Variants in SEPTIN12 observed in about 807,000 individuals in gnomAD.
SEPTIN12 encodes septin 12.
A neutral mutation model predicts 37.7 loss-of-function variants in SEPTIN12; 42 were observed. The observed-to-expected ratio is 1.11, with a 90% CI of 0.87 to 1.44. The LOEUF is 1.44. SEPTIN12 is among the 40% of genes most tolerant of loss of function. SEPTIN12 has a pLI of 0.00. For synonymous variants in SEPTIN12, 254 were observed against 196.7 expected (o/e 1.29, Z -2.44); for missense variants, 613 against 479.2 (o/e 1.28, Z -2.61).
Position 4,783,513 on chromosome 16 carries a change from C to G in SEPTIN12, c.675G>C (p.Gln225His). Residue 225 changes from glutamine to histidine, a missense_variant, in exon 7 of 10, where the codon CAG (glutamine) becomes CAC (histidine). Coordinates refer to ENST00000268231, the MANE Select transcript of SEPTIN12 (RefSeq NM_144605.5). ...CATTGATGTCCTCGTCAAAGCACAT[C>G]TGGGGGTAGACGTCGATGCAGTGGG... ...LRTHCIDVYP[Q>H]MCFDEDINDK... 6.2e-7 allele frequency: 1 copy of G among 1,614,196 alleles called. No homozygotes were observed. The highest frequency in any genetic ancestry group is 8.5e-7 in the Non-Finnish European group (1 of 1,180,036).
At chr16:4,781,848 C>T (rs992149898) in intron 7 of SEPTIN12, among the ~76,000 whole-genome samples, 6 of 148,856 alleles carry the variant, frequency 4.0e-5, no homozygotes, top group East Asian at 4.1e-4. Context: ...TTCTCCATGT[C>T]GGTCAGGCTG....
At chr16:4,789,081 C>T (rs1338160239), upstream of SEPTIN12, among the ~76,000 whole-genome samples, 3 of 152,150 alleles carry the variant, frequency 2.0e-5, no homozygotes, top group East Asian at 1.9e-4. Flanking sequence ...TGCAGTGGCG[C>T]GATCTCGGCT....
intron 2 of SEPTIN12, 85 bp downstream of exon 2, chr16:4,787,395 G>T: frequency 8.0e-7 from 1 of 1,246,300 alleles, no homozygotes; most frequent in Non-Finnish European, 1.2e-6. Flanking sequence ...GGGGAGGGGC[G>T]ACAGGCTGCC....
intron 8 of SEPTIN12, 89 bp from the exon 9 acceptor site, chr16:4,778,226 G>A (rs550983356): frequency 5.9e-6 from 8 of 1,351,540 alleles, no homozygotes; most frequent in Non-Finnish European, 8.5e-6. Context: ...ATTTCCCTTA[G>A]CCCTTTTCCC....
At position 4,783,963 on chromosome 16, in the gene SEPTIN12, G is replaced by T. The variant is rs746356918; in HGVS notation, c.480C>A (p.Cys160Ter). ...CAGTGGGTGGTACAAAGTACACGCA[G>T]CAGTGCACCCGGGTGTCTGGGATGT... ...QRHIPDTRVH[C>*]CVYFVPPTGH... is the part of the protein sequence containing the mutation. The change falls in exon 5 of 10, where the codon TGC (cysteine) becomes TGA (stop). Residue 160 changes from cysteine (C) to a stop codon, truncating the protein, a stop_gained. Coordinates refer to ENST00000268231, the MANE Select transcript of SEPTIN12 (RefSeq NM_144605.5). LOFTEE classifies it high-confidence loss of function. 1 of 1,614,168 alleles carries T rather than the reference G, an allele frequency of 6.2e-7. No individual in the cohort carries two copies. The highest frequency in any genetic ancestry group is 8.5e-7 in the Non-Finnish European group (1 of 1,180,010).
chr16:4,780,126 C>T (rs2082357167), intron 7 of SEPTIN12, among the ~76,000 whole-genome samples: 1 of 152,006 alleles, frequency 6.6e-6, no homozygotes, highest in South Asian at 2.1e-4. Context: ...TATTATATAG[C>T]GTATTATATA....
At position 4,777,723 on chromosome 16, in the gene SEPTIN12, G is replaced by A; in HGVS notation, c.*74C>T. Reference sequence around the variant, plus strand: ...AAAGCAAGGCTCACATTTAATAGATGCTCTGGTACATAGGTGTGTGTTGAG... The same window carrying A: ...AAAGCAAGGCTCACATTTAATAGATACTCTGGTACATAGGTGTGTGTTGAG... On this transcript the variant is annotated 3_prime_UTR_variant, in exon 10 of 10. Transcript: ENST00000268231. 1 of 1,063,738 alleles carries A rather than the reference G, an allele frequency of 9.4e-7. No homozygotes were observed. The highest frequency in any genetic ancestry group is 1.3e-6 in the Non-Finnish European group (1 of 748,190). The allele number at this position is 1,063,738 out of a possible 1,614,324, so 65.9% of individuals were successfully genotyped here.
intron 7 of SEPTIN12, among the ~76,000 whole-genome samples, chr16:4,780,914 G>C (rs1043234933): frequency 2.0e-5 from 3 of 152,136 alleles, no homozygotes; most frequent in African/African-American, 7.2e-5. Context: ...GGAGGTTGGA[G>C]GTTGCTGTGA....
chr16:4,791,499 A>G (rs138313837), upstream of SEPTIN12, among the ~76,000 whole-genome samples: 417 of 152,166 alleles, frequency 2.7e-3, 1 homozygote, highest in Non-Finnish European at 4.0e-3. Context: ...CTATTAACAT[A>G]CCCATTTTAC....
chr16:4,780,207 T>A (rs1213901344), intron 7 of SEPTIN12, among the ~76,000 whole-genome samples: 1 of 151,898 alleles, frequency 6.6e-6, no homozygotes, highest in Non-Finnish European at 1.5e-5. Context: ...CCCGCCTCAG[T>A]CCCCTGAGGA....
chr16:4,791,040 T>C (rs77504642), upstream of SEPTIN12, among the ~76,000 whole-genome samples: 186 of 152,302 alleles, frequency 1.2e-3, 1 homozygote, highest in African/African-American at 4.3e-3. Flanking sequence ...TGGTGACGTG[T>C]GGACTGCGTT....
rs138078167 is a variant in SEPTIN12, at chr16:4,783,691, G to A, written c.588C>T (p.Ala196=). The change falls in exon 6 of 10, where the codon GCC becomes GCT. Residue 196 remains alanine (A), a synonymous_variant. Coordinates refer to ENST00000268231, the MANE Select transcript of SEPTIN12 (RefSeq NM_144605.5). ...TVNVVPVIAR[A]DSLTMEEREA... ...CTCGCTCCTCCATGGTCAGGCTGTC[G>A]GCCCTGGCAATCACGGGCACCACAT... 9 of 1,614,070 alleles carry A rather than the reference G, an allele frequency of 5.6e-6. No individual in the cohort carries two copies. The highest frequency in any genetic ancestry group is 1.6e-4 in the Middle Eastern group (1 of 6,062).
upstream of SEPTIN12, among the ~76,000 whole-genome samples, chr16:4,789,316 C>G (rs1489505473): frequency 6.6e-6 from 1 of 150,982 alleles, no homozygotes; most frequent in Non-Finnish European, 1.5e-5. Context: ...CTTTTTTTTT[C>G]TTTTTTCCTT....
rs527458172 is a variant in SEPTIN12 at position 4,787,675 on chromosome 16, C to A, written c.-22-8G>T. On this transcript the variant is annotated splice_polypyrimidine_tract_variant and splice_region_variant and intron_variant, in intron 1 of 9. Coordinates refer to ENST00000268231, the MANE Select transcript of SEPTIN12 (RefSeq NM_144605.5). ...GCCAAGGGTTCGAGATGCCTGTCAC[C>A]AGGTGGGTGGGGAGAAGGGGGTCAC... 1.0e-5 allele frequency: 14 copies of A among 1,357,840 alleles called. No individual in the cohort carries two copies. The African/African-American group carries it at 2.0e-4, about 19-fold the overall frequency. The allele number at this position is 1,357,840 out of a possible 1,614,324, so 84.1% of individuals were successfully genotyped here. A position where few individuals can be genotyped will look rare whatever the true frequency, so the allele number is the denominator to read the frequency against.
At chr16:4,787,938 C>G (rs191740754) in intron 1 of SEPTIN12, 181 of 339,038 alleles carry the variant, frequency 5.3e-4, no homozygotes, top group African/African-American at 3.7e-3. Context: ...GCAGGGGCCT[C>G]TCAGGTCGCT....
chr16:4,778,538 C>T (rs867436211), intron 8 of SEPTIN12, among the ~76,000 whole-genome samples: 10 of 152,136 alleles, frequency 6.6e-5, no homozygotes, highest in Admixed American at 1.3e-4. Context: ...CGGTGGCTCA[C>T]GCCTATAATC....
chr16:4,783,531 G>A lies in SEPTIN12; in HGVS notation c.657C>T (p.Cys219=), dbSNP rs909914076. The change falls in exon 7 of 10, where the codon TGC becomes TGT. Residue 219 remains cysteine (C), a synonymous_variant. Coordinates refer to ENST00000268231, the MANE Select transcript of SEPTIN12 (RefSeq NM_144605.5). ...RRIQQNLRTH[C]IDVYPQMCFD... is the part of the protein sequence containing the mutation. ...AGCACATCTGGGGGTAGACGTCGATGCAGTGGGTCCTCAGGTTCTGCTGGA... is the reference window on the plus strand; with the variant it reads ...AGCACATCTGGGGGTAGACGTCGATACAGTGGGTCCTCAGGTTCTGCTGGA... The A allele has an allele frequency of 1.2e-6, 2 of 1,614,156 alleles. No individual in the cohort carries two copies. The highest frequency in any genetic ancestry group is 4.5e-5 in the East Asian group (2 of 44,878).
At chr16:4,791,072 G>C (rs1393784672), upstream of SEPTIN12, among the ~76,000 whole-genome samples, 1 of 152,188 alleles carries the variant, frequency 6.6e-6, no homozygotes, top group Admixed American at 6.5e-5. Flanking sequence ...CGTACCTCTG[G>C]GGATGTCCCC....
upstream of SEPTIN12, among the ~76,000 whole-genome samples, chr16:4,789,029 GTT>G (rs2082506375): frequency 6.6e-6 from 1 of 152,068 alleles, no homozygotes; most frequent in South Asian, 2.1e-4. Context: ...TTTTTTTGTT[GTT>G]TGTTTTTGAG....
Sources: gnomAD v4.1 joint callset for allele counts (sites outside exome capture counted in the v4.1 genomes callset) on GRCh38, gnomAD v4.1.1 for gene constraint, MANE v1.5 for transcripts, NCBI Gene and HGNC (gene_info 2026-07-23, HGNC 2026-07-21) for gene names.